TTC1: variants seen among roughly 807,000 people sequenced by gnomAD.
TTC1 encodes the protein tetratricopeptide repeat domain 1.
In TTC1, 31 loss-of-function variants were observed where a neutral mutation model predicts 37.6. The observed-to-expected ratio is 0.82, with a 90% CI of 0.62 to 1.11. The LOEUF (loss-of-function observed/expected upper bound fraction) is 1.11, where lower values mean the gene tolerates loss of function less well. Ranked by LOEUF, TTC1 falls within the 50% of genes most tolerant of loss-of-function variation. The pLI is 0.00. For missense variants in TTC1, 351 were observed against 339.0 expected (o/e 1.04, Z -0.28); for synonymous variants, 127 against 122.4 (o/e 1.04, Z -0.25).
chr5:160,027,435 A>C (rs958296709), intron 2 of TTC1, among the ~76,000 whole-genome samples: 1 of 152,232 alleles, frequency 6.6e-6, no homozygotes, highest in Non-Finnish European at 1.5e-5. Context: ...GTTGTCATGT[A>C]CATTTTATCA....
intron 2 of TTC1, among the ~76,000 whole-genome samples, chr5:160,029,942 A>G (rs746409445): frequency 6.6e-6 from 1 of 152,180 alleles, no homozygotes; most frequent in Non-Finnish European, 1.5e-5. Flanking sequence ...GAGGGCCTTG[A>G]CAGGAGCCTC....
intron 7 of TTC1, among the ~76,000 whole-genome samples, chr5:160,055,916 T>C (rs1284907409): frequency 6.6e-6 from 1 of 152,244 alleles, no homozygotes; most frequent in Non-Finnish European, 1.5e-5. Flanking sequence ...AGAGTTCAGA[T>C]CTCAGCTCTC....
chr5:160,046,370 C>G (rs1380082180), intron 5 of TTC1, among the ~76,000 whole-genome samples: 1 of 152,108 alleles, frequency 6.6e-6, no homozygotes, highest in African/African-American at 2.4e-5. Context: ...TTAATGAACT[C>G]TATTCATTTT....
Position 160,065,003 on chromosome 5 carries a change from C to G in TTC1, c.817C>G (p.Gln273Glu). Residue 273 changes from glutamine to glutamate, a missense_variant, in exon 8 of 8, where the codon CAG becomes GAG. By Grantham distance (29) the Gln-to-Glu change is conservative (BLOSUM62 2). Transcript: ENST00000231238. ...CTCCACGGAAAATTTCCAGATCAAACAGGATTCCTCTACCGGCTCGTACTC... is the reference window on the plus strand; with the variant it reads ...CTCCACGGAAAATTTCCAGATCAAAGAGGATTCCTCTACCGGCTCGTACTC... ...GLSTENFQIK[Q>E]DSSTGSYSIN... 1.2e-6 allele frequency: 2 copies of G among 1,614,090 alleles called. No individual in the cohort carries two copies. The highest frequency in any genetic ancestry group is 1.7e-6 in the Non-Finnish European group (2 of 1,180,006).
chr5:160,033,591 C>T (rs1756953292), intron 2 of TTC1, among the ~76,000 whole-genome samples: 1 of 152,216 alleles, frequency 6.6e-6, no homozygotes, highest in Non-Finnish European at 1.5e-5. Context: ...AATTGACTCA[C>T]AGTTCCACAT....
intron 2 of TTC1, among the ~76,000 whole-genome samples, chr5:160,024,248 G>A (rs967761997): frequency 6.6e-6 from 1 of 152,166 alleles, no homozygotes; most frequent in African/African-American, 2.4e-5. Context: ...CAGGTGGAGA[G>A]TTCTATTTTA....
intron 4 of TTC1, among the ~76,000 whole-genome samples, chr5:160,042,510 G>A (rs1757117705): frequency 1.3e-5 from 2 of 152,188 alleles, no homozygotes; most frequent in Admixed American, 1.3e-4. Flanking sequence ...TAAAGAGCAG[G>A]TTATTGTCAA....
intron 2 of TTC1, among the ~76,000 whole-genome samples, chr5:160,013,520 G>A (rs1006089608): frequency 4.6e-5 from 7 of 151,722 alleles, no homozygotes; most frequent in Non-Finnish European, 5.9e-5. Context: ...TGAGGCGGGC[G>A]GATCATGAGG....
At chr5:160,035,421 T>C (rs1232429313) in intron 3 of TTC1, among the ~76,000 whole-genome samples, 1 of 152,216 alleles carries the variant, frequency 6.6e-6, no homozygotes, top group East Asian at 1.9e-4. Flanking sequence ...TGCATAGTCT[T>C]TCTGTAATCC....
At chr5:160,042,578 T>C (rs1757118589) in intron 4 of TTC1, among the ~76,000 whole-genome samples, 1 of 152,230 alleles carries the variant, frequency 6.6e-6, no homozygotes, top group Non-Finnish European at 1.5e-5. Flanking sequence ...ATGTCATGCT[T>C]CTAGATTCAG....
At chr5:160,041,197 CT>C (rs1413822999) in intron 4 of TTC1, among the ~76,000 whole-genome samples, 2 of 151,708 alleles carry the variant, frequency 1.3e-5, no homozygotes, top group Admixed American at 1.3e-4. Flanking sequence ...TGACAGTACA[CT>C]TTTTTTTAGT....
chr5:160,042,620 G>C (rs894409529), intron 4 of TTC1, among the ~76,000 whole-genome samples: 2 of 152,222 alleles, frequency 1.3e-5, no homozygotes, highest in African/African-American at 4.8e-5. Context: ...TTGTTTAAGA[G>C]TTGTGTATTT....
At chr5:160,064,844 T>C in intron 7 of TTC1, 88 bp from the exon 8 acceptor site, 3 of 1,357,690 alleles carry the variant, frequency 2.2e-6, no homozygotes, top group Non-Finnish European at 3.0e-6. Flanking sequence ...TTTTATATTT[T>C]GTACTCAGTG....
chr5:160,043,088 A>G (rs1029611296), intron 4 of TTC1, 45 bp from the exon 5 acceptor site: 51 of 1,600,562 alleles, frequency 3.2e-5, no homozygotes, highest in Non-Finnish European at 4.3e-5. Flanking sequence ...TGGGCCATTA[A>G]GATAAAACTA....
chr5:160,048,646 TA>T (rs1217750051), intron 5 of TTC1, among the ~76,000 whole-genome samples: 4 of 152,174 alleles, frequency 2.6e-5, no homozygotes, highest in Non-Finnish European at 5.9e-5. Context: ...AGGATTTAAC[TA>T]GAAATATAAT....
intron 2 of TTC1, chr5:160,023,848 C>T (rs1253537203): frequency 8.1e-6 from 13 of 1,613,300 alleles, no homozygotes; most frequent in Non-Finnish European, 1.0e-5. Context: ...CAGATGACTT[C>T]CAATTCTTTT....
At chr5:160,019,957 C>T (rs1014265334) in intron 2 of TTC1, among the ~76,000 whole-genome samples, 21 of 152,050 alleles carry the variant, frequency 1.4e-4, no homozygotes, top group African/African-American at 3.9e-4. Context: ...GAGACAGAGT[C>T]TTGCCCTGTC....
chr5:160,037,566 A>T (rs1393992150), intron 4 of TTC1, among the ~76,000 whole-genome samples: 1 of 152,164 alleles, frequency 6.6e-6, no homozygotes, highest in East Asian at 1.9e-4. Flanking sequence ...AAATACAAAA[A>T]TTAGCCAGGC....
intron 4 of TTC1, among the ~76,000 whole-genome samples, chr5:160,037,482 G>A (rs1366116886): frequency 1.3e-5 from 2 of 152,198 alleles, no homozygotes; most frequent in Non-Finnish European, 2.9e-5. Flanking sequence ...ATGGGTGGCC[G>A]AGGCGGGCAC....
Sources: gnomAD v4.1 joint callset for allele counts (sites outside exome capture counted in the v4.1 genomes callset) on GRCh38, gnomAD v4.1.1 for gene constraint, MANE v1.5 for transcripts, NCBI Gene and HGNC (gene_info 2026-07-23, HGNC 2026-07-21) for gene names.